SIK3: variants seen among roughly 807,000 people sequenced by gnomAD.
The protein encoded by SIK3 is serine/threonine-protein kinase SIK3.
In SIK3, 28 loss-of-function variants were observed where a neutral mutation model predicts 144.2. The ratio of observed to expected loss-of-function variants is 0.19; its 90% confidence interval spans 0.14 to 0.27. The LOEUF is 0.27. Among genes scored for constraint, SIK3 ranks in the 10% least tolerant of loss-of-function variants. The probability of loss-of-function intolerance (pLI) is 1.00; values close to 1 mark genes in which losing one functional copy is unlikely to be tolerated. For missense variants in SIK3, 1,319 were observed against 1,776.0 expected (o/e 0.74, Z 4.62); for synonymous variants, 686 against 676.3 (o/e 1.01, Z -0.22).
intron 1 of SIK3, among the ~76,000 whole-genome samples, chr11:117,023,821 T>C (rs1323953235): frequency 6.6e-6 from 1 of 151,568 alleles, no homozygotes; most frequent in East Asian, 1.9e-4. Flanking sequence ...GGATTACAGA[T>C]GTGCGCCACC....
At chr11:117,034,365 A>T (rs940028297) in intron 1 of SIK3, among the ~76,000 whole-genome samples, 2 of 152,248 alleles carry the variant, frequency 1.3e-5, no homozygotes, top group African/African-American at 4.8e-5. Context: ...AAATCCTTAT[A>T]CTTCAGGCAA....
intron 1 of SIK3, among the ~76,000 whole-genome samples, chr11:117,063,869 A>G (rs1953906099): frequency 6.6e-6 from 1 of 152,098 alleles, no homozygotes; most frequent in South Asian, 2.1e-4. Flanking sequence ...CCTGGCCTGA[A>G]GTTTCTTAAG....
intron 1 of SIK3, among the ~76,000 whole-genome samples, chr11:116,974,100 C>T (rs1206770577): frequency 6.6e-6 from 1 of 152,170 alleles, no homozygotes; most frequent in Non-Finnish European, 1.5e-5. Context: ...AGGAAACTGA[C>T]CGTGGGGTAT....
At chr11:116,917,583 C>T (rs141142059) in intron 4 of SIK3, among the ~76,000 whole-genome samples, 86 of 152,082 alleles carry the variant, frequency 5.7e-4, no homozygotes, top group African/African-American at 1.7e-3. Flanking sequence ...TGGCAAAACA[C>T]CTGTAGTCCC....
intron 1 of SIK3, among the ~76,000 whole-genome samples, chr11:116,963,558 ATGT>A (rs1949423013): frequency 6.6e-6 from 1 of 152,228 alleles, no homozygotes; most frequent in African/African-American, 2.4e-5. Context: ...AGTGAAAATA[ATGT>A]TGTGGCATTT....
chr11:116,999,085 T>C (rs1950766443), intron 1 of SIK3, among the ~76,000 whole-genome samples: 1 of 152,204 alleles, frequency 6.6e-6, no homozygotes, highest in Non-Finnish European at 1.5e-5. Flanking sequence ...TGTTTAGTTT[T>C]TACTTCAGAA....
In SIK3 at chr11:116,858,591, T is replaced by C. The variant is rs1943118265; in HGVS notation, c.2874A>G (p.Thr958=). 2 of 1,613,536 alleles carry C rather than the reference T, an allele frequency of 1.2e-6. No individual in the cohort carries two copies. Among genetic ancestry groups the C allele is most frequent in the African/African-American group, 1.3e-5 (1 of 75,032 alleles). ...RGSPSSYSPS[T]GVGFSPTQAL... ...CTTGGGTTGGAGAGAACCCCACTCC[T>C]GTTGAAGGGCTGTAGCTGCTGGGGG... The change falls in exon 21 of 25, where the codon ACA becomes ACG. Residue 958 remains threonine, a synonymous_variant. Transcript: ENST00000445177. The surrounding 1 kb of genome is among the most constrained non-coding windows in gnomAD (Gnocchi z 5.4).
Position 116,861,344 on chromosome 11 carries a change from G to A in SIK3, c.2355C>T (p.Pro785=), listed in dbSNP as rs761982118. The A allele has an allele frequency of 2.5e-6, 4 of 1,596,082 alleles. No individual in the cohort carries two copies. In the Admixed American group the frequency reaches 5.6e-5, roughly 22 times the overall value. The change falls in exon 19 of 25, where the codon CCC becomes CCT. Residue 785 remains proline, a synonymous_variant. Transcript: ENST00000445177. ...TGGGCTGCCTGAAGAGATGGTTGTT[G>A]GGGTGGTTGGGGGGTGGGCTTGAAG... The part of the protein sequence containing the change: ...IQPSSPPPNH[P]NNHLFRQPSN...
intron 1 of SIK3, among the ~76,000 whole-genome samples, chr11:117,060,458 G>C (rs553651861): frequency 1.2e-4 from 19 of 152,200 alleles, no homozygotes; most frequent in Non-Finnish European, 2.6e-4. Context: ...TTAGCCAGGC[G>C]TGGTGGCGCA....
chr11:116,889,087 T>C (rs1489627069), intron 6 of SIK3, among the ~76,000 whole-genome samples: 1 of 152,230 alleles, frequency 6.6e-6, no homozygotes. Context: ...TGCAACAGTA[T>C]GGTGTAGTAA....
intron 1 of SIK3, among the ~76,000 whole-genome samples, chr11:117,067,874 C>T (rs1281556990): frequency 2.0e-5 from 3 of 152,092 alleles, no homozygotes; most frequent in Non-Finnish European, 4.4e-5. Context: ...GTAGTCCAAG[C>T]TACTGGGGAG....
rs560156827 is a variant in SIK3 at position 116,961,677 on chromosome 11, C to G, written c.274-4613G>C. 2.0e-5 allele frequency among the ~76,000 whole-genome samples: 3 copies of G among 152,130 alleles called. No individual in the cohort carries two copies. In the East Asian group the frequency reaches 5.8e-4, roughly 29 times the overall value. On this transcript the variant is annotated intron_variant, in intron 1 of 24. Coordinates refer to ENST00000445177, the MANE Select transcript of SIK3 (RefSeq NM_001366686.3). Reference sequence around the variant, plus strand: ...AACTTCCAACATGTTACCAAGAGACCATATATTTCCTAAGTTTGCCTGTTC... The same window carrying G: ...AACTTCCAACATGTTACCAAGAGACGATATATTTCCTAAGTTTGCCTGTTC...
In SIK3 at chr11:116,843,775, G is replaced by C. The variant is rs1324355372; in HGVS notation, c.*1868C>G. 6.6e-6 allele frequency: 1 copy of C among 152,136 alleles called. No individual in the cohort carries two copies. Among genetic ancestry groups the C allele is most frequent in the Non-Finnish European group, 1.5e-5 (1 of 68,032 alleles). 9.4% of individuals were successfully genotyped at this position (152,136 alleles called of 1,614,324 possible). A position where few individuals can be genotyped will look rare whatever the true frequency, so the allele number is the denominator to read the frequency against. On this transcript the variant is annotated 3_prime_UTR_variant, in exon 25 of 25. Transcript: ENST00000445177. ...GTCAACAGCTTTTTAGGGCTTTCTT[G>C]GTAAGCCCCCTTCTGGTGAGTAGTT...
At chr11:117,000,154 C>G (rs1159477314) in intron 1 of SIK3, among the ~76,000 whole-genome samples, 1 of 152,114 alleles carries the variant, frequency 6.6e-6, no homozygotes, top group Non-Finnish European at 1.5e-5. Flanking sequence ...GGGCCTATTG[C>G]CCAACCTTAA....
chr11:116,848,553 C>T (rs1942180494), intron 22 of SIK3, among the ~76,000 whole-genome samples: 1 of 152,140 alleles, frequency 6.6e-6, no homozygotes, highest in Non-Finnish European at 1.5e-5. Flanking sequence ...GAAAAATAAC[C>T]AGAAGCCTAT....
intron 1 of SIK3, among the ~76,000 whole-genome samples, chr11:117,046,525 A>C (rs1952973174): frequency 6.6e-6 from 1 of 152,160 alleles, no homozygotes; most frequent in Non-Finnish European, 1.5e-5. Flanking sequence ...ATATCAATCT[A>C]TGTCTATTTA....
chr11:116,891,938 C>T (rs1412220439), intron 6 of SIK3, among the ~76,000 whole-genome samples: 1 of 152,134 alleles, frequency 6.6e-6, no homozygotes, highest in Non-Finnish European at 1.5e-5. Context: ...AGAGAGGAAA[C>T]ATCAAGGCTT....
rs1440991624 is a variant in SIK3, at chr11:116,858,517, G to A, written c.2948C>T (p.Ala983Val). 1 of 1,612,772 alleles carries A rather than the reference G, an allele frequency of 6.2e-7. No homozygotes were observed. Residue 983 changes from alanine to valine, a missense_variant, in exon 21 of 25, where the codon GCA (alanine) becomes GTA (valine). Around this residue, in one of 8 missense-constraint regions of SIK3, gnomAD observed 646 missense variants for 763.7 expected, o/e 0.85. Coordinates refer to ENST00000445177, the MANE Select transcript of SIK3 (RefSeq NM_001366686.3). This position sits in a 1 kb window ranked among gnomAD's most constrained non-coding sequence, Gnocchi z 5.4. The stretch of plus-strand genomic sequence containing the variant: ...GGTATAGTGTGGCGGCTGCTGATGT[G>A]CACTGGGAGGGAAGGTGGGGAATTG... ...LDQFPTFPPS[A>V]HQQPPHYTTS...
chr11:116,898,261 G>A (rs1186176834), intron 4 of SIK3, among the ~76,000 whole-genome samples: 10 of 152,162 alleles, frequency 6.6e-5, no homozygotes, highest in Non-Finnish European at 1.2e-4. Context: ...TACTGAGAAT[G>A]ATGATTTCCA....
Sources: allele counts gnomAD v4.1 joint callset (sites outside exome capture counted in the v4.1 genomes callset), GRCh38; gene constraint gnomAD v4.1.1; regional missense constraint gnomAD v4.1.1; non-coding constraint Gnocchi (gnomAD v3.1); transcripts MANE v1.5; gene names NCBI Gene and HGNC (gene_info 2026-07-23, HGNC 2026-07-21).